Variants in CRK observed in about 807,000 individuals in gnomAD.
The protein encoded by CRK is adapter molecule crk.
CRK carries 4 observed loss-of-function variants against 29.8 expected under a neutral mutation model. The observed-to-expected ratio is 0.13, with a 90% confidence interval of 0.07 to 0.31. CRK has a LOEUF of 0.31. Among genes scored for constraint, CRK ranks in the 10% least tolerant of loss-of-function variants. CRK has a pLI of 1.00. For synonymous variants in CRK, 153 were observed against 164.9 expected (o/e 0.93, Z 0.55); for missense variants, 274 against 396.5 (o/e 0.69, Z 2.62).
intron 1 of CRK, among the ~76,000 whole-genome samples, chr17:1,437,992 T>C (rs1364859548): frequency 6.6e-6 from 1 of 152,102 alleles, no homozygotes; most frequent in Non-Finnish European, 1.5e-5. Context: ...CCTCAGGAAA[T>C]GTAGCAAGCT....
intron 1 of CRK, among the ~76,000 whole-genome samples, chr17:1,454,038 T>C (rs2074038063): frequency 1.3e-5 from 2 of 149,496 alleles, no homozygotes; most frequent in South Asian, 4.2e-4. Flanking sequence ...CCATCTCTAC[T>C]AAAAATACAA....
chr17:1,451,597 T>C (rs991489046), intron 1 of CRK, among the ~76,000 whole-genome samples: 1 of 152,072 alleles, frequency 6.6e-6, no homozygotes, highest in Non-Finnish European at 1.5e-5. Flanking sequence ...TATGTGCCTG[T>C]AGTCCCAGCT....
At chr17:1,449,055 C>A (rs116740194) in intron 1 of CRK, among the ~76,000 whole-genome samples, 2 of 152,140 alleles carry the variant, frequency 1.3e-5, no homozygotes, top group African/African-American at 2.4e-5. Flanking sequence ...TGGCTTGGCC[C>A]AGCTGCCAGC....
intron 2 of CRK, among the ~76,000 whole-genome samples, chr17:1,429,224 G>A (rs1598294312): frequency 1.3e-5 from 2 of 152,122 alleles, no homozygotes; most frequent in East Asian, 3.9e-4. Flanking sequence ...GGGTACGCTG[G>A]CCTGCACCTG....
intron 1 of CRK, among the ~76,000 whole-genome samples, chr17:1,444,605 G>T (rs1418988475): frequency 7.1e-6 from 1 of 140,782 alleles, no homozygotes; most frequent in African/African-American, 2.7e-5. Context: ...CGGGGGGGGG[G>T]ATCACCTGAG....
chr17:1,435,611 G>A (rs933619915), intron 2 of CRK, among the ~76,000 whole-genome samples: 5 of 152,030 alleles, frequency 3.3e-5, no homozygotes, highest in African/African-American at 1.2e-4. Context: ...AAGAGGCAGT[G>A]ATAACTCTGA....
At chr17:1,428,519 ATC>A (rs1374345651) in intron 2 of CRK, among the ~76,000 whole-genome samples, 3 of 99,952 alleles carry the variant, frequency 3.0e-5, no homozygotes, top group Non-Finnish European at 5.7e-5. Context: ...ACCATATCAG[ATC>A]TTTTTTTTTT....
At chr17:1,443,822 C>T (rs2073953557) in intron 1 of CRK, among the ~76,000 whole-genome samples, 1 of 151,786 alleles carries the variant, frequency 6.6e-6, no homozygotes, top group African/African-American at 2.4e-5. Context: ...GCCTCAGCCT[C>T]CCAAGTAGCT....
intron 1 of CRK, among the ~76,000 whole-genome samples, chr17:1,439,476 T>C (rs1194707815): frequency 2.6e-5 from 4 of 152,086 alleles, no homozygotes; most frequent in African/African-American, 7.2e-5. Flanking sequence ...CTATTTTCAT[T>C]GGATTTTTCA....
chr17:1,423,755 G>T, intron 2 of CRK, 105 bp from the exon 3 acceptor site: 4 of 1,421,544 alleles, frequency 2.8e-6, no homozygotes, highest in Non-Finnish European at 3.8e-6. Context: ...CTGCTCTAGG[G>T]ATATTACAGA....
At chr17:1,446,691 A>T (rs577388488) in intron 1 of CRK, among the ~76,000 whole-genome samples, 1 of 145,232 alleles carries the variant, frequency 6.9e-6, no homozygotes, top group Admixed American at 7.4e-5. Flanking sequence ...TCCTGGGTTC[A>T]CGCCATTCTC....
intron 2 of CRK, among the ~76,000 whole-genome samples, chr17:1,431,181 A>G (rs1334922021): frequency 6.6e-6 from 1 of 152,172 alleles, no homozygotes; most frequent in Non-Finnish European, 1.5e-5. Context: ...CACTATGATG[A>G]TATTTAGAGA....
chr17:1,429,366 T>C (rs6502684), intron 2 of CRK, among the ~76,000 whole-genome samples: 27,978 of 151,768 alleles, frequency 0.18, 4,033 homozygotes, highest in African/African-American at 0.4. Context: ...CATTGCAAAC[T>C]CCGCCTCCTG....
intron 1 of CRK, among the ~76,000 whole-genome samples, chr17:1,452,786 G>A (rs1207671362): frequency 2.0e-5 from 3 of 150,638 alleles, no homozygotes; most frequent in Admixed American, 2.0e-4. Context: ...GTAAAAACTC[G>A]GTCTCAAAAA....
At chr17:1,444,174 C>T (rs537178188) in intron 1 of CRK, among the ~76,000 whole-genome samples, 1 of 152,238 alleles carries the variant, frequency 6.6e-6, no homozygotes, top group African/African-American at 2.4e-5. Flanking sequence ...CCAAGCTAAA[C>T]TGCAGTAGCT....
intron 1 of CRK, 147 bp downstream of exon 1, chr17:1,455,730 A>T: frequency 8.3e-7 from 1 of 1,207,652 alleles, no homozygotes; most frequent in Non-Finnish European, 1.1e-6. Flanking sequence ...GGTGAGAGCG[A>T]GCCCGAGCAG....
intron 2 of CRK, among the ~76,000 whole-genome samples, chr17:1,434,287 A>G (rs1395275521): frequency 6.6e-6 from 1 of 152,112 alleles, no homozygotes; most frequent in African/African-American, 2.4e-5. Flanking sequence ...TATTGGTGGA[A>G]AGCTGCCAGT....
intron 1 of CRK, among the ~76,000 whole-genome samples, chr17:1,448,123 CAGA>C (rs1209745665): frequency 1.3e-5 from 2 of 149,738 alleles, no homozygotes; most frequent in African/African-American, 4.9e-5. Context: ...GCCTGGGCGA[CAGA>C]AGGCCACTGG....
At chr17:1,444,454 G>A (rs2073957977) in intron 1 of CRK, among the ~76,000 whole-genome samples, 1 of 152,170 alleles carries the variant, frequency 6.6e-6, no homozygotes, top group South Asian at 2.1e-4. Context: ...GAACCTGGGA[G>A]GCGGAGCCTG....
Sources: allele counts gnomAD v4.1 joint callset (sites outside exome capture counted in the v4.1 genomes callset), GRCh38; gene constraint gnomAD v4.1.1; transcripts MANE v1.5; gene names NCBI Gene and HGNC (gene_info 2026-07-23, HGNC 2026-07-21).